Variants in CPED1 observed in about 807,000 individuals in gnomAD.
The protein encoded by CPED1 is cadherin like and PC-esterase domain containing 1, also known as cadherin-like and PC-esterase domain-containing protein 1.
CPED1 carries 114 observed loss-of-function variants against 128.2 expected under a neutral mutation model. That is an observed-to-expected ratio of 0.89 (90% CI 0.76 to 1.04). The LOEUF is 1.04. Among genes scored for constraint, CPED1 ranks in the 50% least tolerant of loss-of-function variants. CPED1 has a pLI of 0.00. For synonymous variants in CPED1, 462 were observed against 426.7 expected (o/e 1.08, Z -1.02); for missense variants, 1,211 against 1,207.1 (o/e 1.00, Z -0.05).
chr7:121,148,586 G>C (rs10267203), intron 16 of CPED1, among the ~76,000 whole-genome samples: 65,375 of 151,962 alleles, frequency 0.43, 15,571 homozygotes, highest in East Asian at 0.84. Flanking sequence ...GGAAGAAAGA[G>C]AACAACTAAA....
chr7:121,161,903 T>C (rs1169401905), intron 16 of CPED1, among the ~76,000 whole-genome samples: 1 of 152,182 alleles, frequency 6.6e-6, no homozygotes, highest in Non-Finnish European at 1.5e-5. Context: ...TTATTTCTCA[T>C]TTATTTATTT....
At chr7:121,061,547 G>A (rs552000467) in intron 4 of CPED1, among the ~76,000 whole-genome samples, 1 of 152,334 alleles carries the variant, frequency 6.6e-6, no homozygotes, top group South Asian at 2.1e-4. Context: ...GAGGCTGTGT[G>A]TGTGTTGGGG....
intron 16 of CPED1, among the ~76,000 whole-genome samples, chr7:121,177,616 A>G (rs1796813111): frequency 6.6e-6 from 1 of 152,108 alleles, no homozygotes; most frequent in South Asian, 2.1e-4. Flanking sequence ...CTTTCCATAA[A>G]GAGTTACACA....
At chr7:121,068,511 A>C (rs1361793580) in intron 5 of CPED1, among the ~76,000 whole-genome samples, 4 of 152,004 alleles carry the variant, frequency 2.6e-5, no homozygotes, top group African/African-American at 4.8e-5. Context: ...TGTTTTGGTT[A>C]CTGTAGCCTT....
At chr7:121,060,519 G>A (rs905132282) in intron 4 of CPED1, among the ~76,000 whole-genome samples, 1 of 152,224 alleles carries the variant, frequency 6.6e-6, no homozygotes, top group Non-Finnish European at 1.5e-5. Context: ...CCTGTGTCTA[G>A]CTCAGGGTTT....
intron 5 of CPED1, among the ~76,000 whole-genome samples, chr7:121,073,840 A>G (rs1279615160): frequency 6.7e-6 from 1 of 149,494 alleles, no homozygotes; most frequent in African/African-American, 2.5e-5. Flanking sequence ...AAATCCACAA[A>G]TTATTTCACA....
intron 7 of CPED1, among the ~76,000 whole-genome samples, chr7:121,109,824 G>C (rs1045485208): frequency 2.0e-5 from 3 of 152,088 alleles, no homozygotes; most frequent in African/African-American, 7.2e-5. Flanking sequence ...AGTCACAGAA[G>C]AAAAACATTA....
intron 18 of CPED1, 75 bp downstream of exon 18, chr7:121,244,413 A>G (rs193009889): frequency 7.2e-4 from 1,079 of 1,490,026 alleles, no homozygotes; most frequent in Non-Finnish European, 9.6e-4. Flanking sequence ...AGTTGTATCT[A>G]CTAGACCAAT....
intron 3 of CPED1, among the ~76,000 whole-genome samples, chr7:121,025,363 T>A (rs1326844394): frequency 6.6e-6 from 1 of 152,208 alleles, no homozygotes; most frequent in Non-Finnish European, 1.5e-5. Context: ...TGTTAGGAAA[T>A]TCAGTCACTA....
Position 121,133,820 on chromosome 7 carries a change from C to T in CPED1, c.1578-3C>T. 1 of 1,590,992 alleles carries T rather than the reference C, an allele frequency of 6.3e-7. No homozygotes were observed. Among genetic ancestry groups the T allele is most frequent in the South Asian group, 1.1e-5 (1 of 87,272 alleles). Reference sequence around the variant, plus strand: ...CCAGAGTTGTTTGGCATTGCATTTGCAGGAATTCTTTCACAGAAGATAAGA... The same window carrying T: ...CCAGAGTTGTTTGGCATTGCATTTGTAGGAATTCTTTCACAGAAGATAAGA... On this transcript the variant is annotated splice_region_variant and splice_polypyrimidine_tract_variant and intron_variant, in intron 12 of 22. Transcript: ENST00000310396.
intron 3 of CPED1, among the ~76,000 whole-genome samples, chr7:121,031,442 C>T (rs1185685016): frequency 6.6e-6 from 1 of 152,106 alleles, no homozygotes; most frequent in Non-Finnish European, 1.5e-5. Flanking sequence ...TGCCTTCCAC[C>T]ACACCCAGCT....
At chr7:121,236,664 A>G (rs369651536) in intron 16 of CPED1, 50 bp from the exon 17 acceptor site, 7 of 1,112,870 alleles carry the variant, frequency 6.3e-6, no homozygotes, top group Non-Finnish European at 9.0e-6. Context: ...TTTTATTATT[A>G]TGGGTCAAGT....
rs577070625 is a variant in CPED1, at chr7:121,118,597, C to A, written c.919-5734C>A. The stretch of plus-strand genomic sequence containing the variant: ...AACAGAGAGAGAAAGAAAAAAAAAA[C>A]CATATCTATCTGAGAGATTGCATTA... On this transcript the variant is annotated intron_variant, in intron 7 of 22. Coordinates refer to ENST00000310396, the MANE Select transcript of CPED1 (RefSeq NM_024913.5). Among the ~76,000 whole-genome samples the A allele has an allele frequency of 3.5e-3, 522 of 150,284 alleles. 2 individuals are homozygous for A. Among genetic ancestry groups the A allele is most frequent in the African/African-American group, 0.01 (423 of 40,966 alleles).
At chr7:121,051,109 G>A in intron 4 of CPED1, 1 of 524,176 alleles carries the variant, frequency 1.9e-6, no homozygotes, top group Non-Finnish European at 3.8e-6. Flanking sequence ...GGCAAACCAA[G>A]AAACTAAAGA....
At chr7:121,133,702 G>T (rs748722667) in intron 12 of CPED1, 121 bp from the exon 13 acceptor site, 2 of 632,200 alleles carry the variant, frequency 3.2e-6, no homozygotes, top group African/African-American at 1.9e-5. Flanking sequence ...TGCAGAAAGC[G>T]TTTTTTTGTG....
At chr7:121,185,354 T>C (rs1214210104) in intron 16 of CPED1, among the ~76,000 whole-genome samples, 2 of 152,180 alleles carry the variant, frequency 1.3e-5, no homozygotes, top group Non-Finnish European at 2.9e-5. Context: ...CATAAATGAC[T>C]ATGACAAATA....
chr7:121,069,045 A>G (rs945605843), intron 5 of CPED1, among the ~76,000 whole-genome samples: 1 of 152,100 alleles, frequency 6.6e-6, no homozygotes, highest in African/African-American at 2.4e-5. Context: ...TATACTGGAC[A>G]AAAATATAAA....
chr7:120,993,940 C>T (rs1186572265), intron 2 of CPED1: 1 of 328,138 alleles, frequency 3.0e-6, no homozygotes, highest in South Asian at 2.2e-5. Context: ...ACTAGAGAAG[C>T]TCGCCCCTGG....
At chr7:121,197,819 A>C (rs1797305328) in intron 16 of CPED1, among the ~76,000 whole-genome samples, 1 of 152,146 alleles carries the variant, frequency 6.6e-6, no homozygotes, top group African/African-American at 2.4e-5. Flanking sequence ...GCCTGGCAGC[A>C]CAAGAGTAGC....
Sources: allele counts gnomAD v4.1 joint callset (sites outside exome capture counted in the v4.1 genomes callset), GRCh38; gene constraint gnomAD v4.1.1; transcripts MANE v1.5; gene names NCBI Gene and HGNC (gene_info 2026-07-23, HGNC 2026-07-21).